Variants in GARRE1 observed in about 807,000 individuals in gnomAD.
GARRE1 encodes the protein granule associated Rac and RHOG effector 1, also known as granule associated Rac and RHOG effector protein 1.
Under a neutral mutation model 103.2 loss-of-function variants are expected in GARRE1, and 49 were observed. The observed-to-expected ratio is 0.47, with a 90% CI of 0.38 to 0.60. The LOEUF (loss-of-function observed/expected upper bound fraction) is 0.60, where lower values mean the gene tolerates loss of function less well. Ranked by LOEUF, GARRE1 falls within the 20% of genes least tolerant of loss-of-function variation. GARRE1 has a pLI of 0.00. For synonymous variants in GARRE1, 505 were observed against 532.8 expected (o/e 0.95, Z 0.72); for missense variants, 1,199 against 1,370.5 (o/e 0.87, Z 1.98).
intron 2 of GARRE1, among the ~76,000 whole-genome samples, chr19:34,315,213 A>C (rs1256294331): frequency 6.6e-6 from 1 of 152,228 alleles, no homozygotes; most frequent in Admixed American, 6.5e-5. Context: ...ACTTAGTGAT[A>C]AATTATTTGT....
Position 34,330,284 on chromosome 19 carries a change from C to T in GARRE1, c.1200C>T (p.Cys400=). ...FPVTEVLNQV[C]PSTWRGACKT... is the part of the protein sequence containing the mutation. The stretch of plus-strand genomic sequence containing the variant: ...TGACTGAAGTGCTGAACCAGGTTTG[C>T]CCTTCCACATGGCGAGGTGCCTGCA... Residue 400 remains cysteine, a synonymous_variant, in exon 7 of 14, where the codon TGC becomes TGT. Coordinates refer to ENST00000299505, the MANE Select transcript of GARRE1 (RefSeq NM_014686.5). 1 of 1,614,158 alleles carries T rather than the reference C, an allele frequency of 6.2e-7. No individual in the cohort carries two copies. The highest frequency in any genetic ancestry group is 8.5e-7 in the Non-Finnish European group (1 of 1,180,028).
intron 1 of GARRE1, among the ~76,000 whole-genome samples, chr19:34,263,578 A>G (rs2073733226): frequency 6.6e-6 from 1 of 151,338 alleles, no homozygotes; most frequent in Admixed American, 6.6e-5. Context: ...CCTGGGTTCA[A>G]GCGATTCTCC....
intron 1 of GARRE1, among the ~76,000 whole-genome samples, chr19:34,295,471 C>T (rs551756775): frequency 2.9e-4 from 44 of 151,864 alleles, no homozygotes; most frequent in African/African-American, 1.0e-3. Context: ...TACTCTTTCC[C>T]TCCCCTTTTT....
chr19:34,342,770 G>A lies in GARRE1; in HGVS notation c.2521+315G>A, dbSNP rs910039929. On this transcript the variant is annotated intron_variant, in intron 10 of 13. Transcript: ENST00000299505. ...CTCCAGTCTAGGCCTGCCTACTCCCGGCAGCCAAGGTCAGCAGCCCTTTGT... is the reference window on the plus strand; with the variant it reads ...CTCCAGTCTAGGCCTGCCTACTCCCAGCAGCCAAGGTCAGCAGCCCTTTGT... 8.6e-5 allele frequency among the ~76,000 whole-genome samples: 13 copies of A among 152,020 alleles called. No individual in the cohort carries two copies. The South Asian group carries it at 1.0e-3, about 12-fold the overall frequency.
intron 8 of GARRE1, among the ~76,000 whole-genome samples, chr19:34,337,755 T>C (rs999554721): frequency 2.6e-5 from 4 of 152,226 alleles, no homozygotes; most frequent in Admixed American, 6.5e-5. Flanking sequence ...AAATGCCAGT[T>C]TGTTGATTGT....
rs1332542639 is a variant in GARRE1 at position 34,296,227 on chromosome 19, G to A, written c.-795-3452G>A. The stretch of plus-strand genomic sequence containing the variant: ...CCCCGCCCCATGCAGACGGCAGCCC[G>A]AGGGGGTCGCAGCAGTCCTTCTGTT... On this transcript the variant is annotated intron_variant, in intron 1 of 13. Coordinates refer to ENST00000299505, the MANE Select transcript of GARRE1 (RefSeq NM_014686.5). 11 of 575,964 alleles carry A rather than the reference G, an allele frequency of 1.9e-5. 1 individual carries two copies. The highest frequency in any genetic ancestry group is 5.3e-5 in the East Asian group (2 of 37,516). 35.7% of individuals were successfully genotyped at this position (575,964 alleles called of 1,614,324 possible).
intron 8 of GARRE1, among the ~76,000 whole-genome samples, chr19:34,334,509 C>T (rs781415863): frequency 6.6e-6 from 1 of 150,578 alleles, no homozygotes; most frequent in Non-Finnish European, 1.5e-5. Context: ...GACCAGCCTG[C>T]CCAATGTGGT....
intron 1 of GARRE1, among the ~76,000 whole-genome samples, chr19:34,277,605 G>A (rs895298701): frequency 3.9e-5 from 6 of 152,050 alleles, no homozygotes; most frequent in African/African-American, 9.7e-5. Flanking sequence ...ACAATGATAG[G>A]CATATAATTA....
chr19:34,257,196 G>A (rs2073678980), intron 1 of GARRE1, among the ~76,000 whole-genome samples: 1 of 150,730 alleles, frequency 6.6e-6, no homozygotes. Context: ...ACATGATTCT[G>A]TGAAAATTTT....
At chr19:34,259,815 G>A (rs915158296) in intron 1 of GARRE1, among the ~76,000 whole-genome samples, 1 of 152,186 alleles carries the variant, frequency 6.6e-6, no homozygotes, top group African/African-American at 2.4e-5. Flanking sequence ...AGGACCTAAT[G>A]GGAGGTAATT....
chr19:34,285,800 C>A (rs926884202), intron 1 of GARRE1, among the ~76,000 whole-genome samples: 2 of 151,870 alleles, frequency 1.3e-5, no homozygotes. Flanking sequence ...CCAGCCAGTT[C>A]CATGACATTT....
chr19:34,299,215 GAAGAATA>G (rs1250285408), intron 1 of GARRE1, among the ~76,000 whole-genome samples: 1 of 152,170 alleles, frequency 6.6e-6, no homozygotes, highest in Non-Finnish European at 1.5e-5. Flanking sequence ...GCCTACCTCA[GAAGAATA>G]TTTTTTTCGT....
At chr19:34,266,423 G>A (rs1207497217) in intron 1 of GARRE1, among the ~76,000 whole-genome samples, 3 of 152,152 alleles carry the variant, frequency 2.0e-5, no homozygotes, top group Admixed American at 6.5e-5. Context: ...GTGCAGTGGC[G>A]CAATCTCGGC....
At chr19:34,310,144 A>G (rs1321264608) in intron 2 of GARRE1, among the ~76,000 whole-genome samples, 1 of 152,254 alleles carries the variant, frequency 6.6e-6, no homozygotes, top group Non-Finnish European at 1.5e-5. Flanking sequence ...TGGGCAGATT[A>G]GAAGGAAACA....
In GARRE1 at chr19:34,354,984, G is replaced by A. The variant is rs1452250968; in HGVS notation, c.*2029G>A. The A allele has an allele frequency of 6.6e-6, 1 of 152,640 alleles. No individual in the cohort carries two copies. Among genetic ancestry groups the A allele is most frequent in the East Asian group, 1.9e-4 (1 of 5,202 alleles). 9.5% of individuals were successfully genotyped at this position (152,640 alleles called of 1,614,324 possible). ...TGCGTGGCTCTTGTCTGTGTTAGCT[G>A]TCACGGTGTGCACACTAATCTCTGT... On this transcript the variant is annotated 3_prime_UTR_variant, in exon 14 of 14. Transcript: ENST00000299505.
chr19:34,330,368 G>T, intron 7 of GARRE1, 21 bp downstream of exon 7: 1 of 1,612,884 alleles, frequency 6.2e-7, no homozygotes, highest in Non-Finnish European at 8.5e-7. Flanking sequence ...GTGGGTGGTG[G>T]ATGATAGGTA....
At chr19:34,272,463 T>C (rs1399804920) in intron 1 of GARRE1, among the ~76,000 whole-genome samples, 1 of 152,114 alleles carries the variant, frequency 6.6e-6, no homozygotes, top group Non-Finnish European at 1.5e-5. Flanking sequence ...CCTCCCAAAG[T>C]GCTGGGATTA....
At position 34,328,038 on chromosome 19, in the gene GARRE1, C is replaced by T; in HGVS notation, c.991C>T (p.Pro331Ser). The change falls in exon 6 of 14, where the codon CCC (proline) becomes TCC (serine). Residue 331 changes from proline (P) to serine (S), a missense_variant. Physicochemically the swap from Pro to Ser is moderately conservative, Grantham distance 74. Coordinates refer to ENST00000299505, the MANE Select transcript of GARRE1 (RefSeq NM_014686.5). ...CCAGCAGACGGGGCGGAGGCAGACA[C>T]CCCCGCAGCCCATGCAGTGTGAGCT... ...EAQQTGRRQT[P>S]PQPMQCELPT... 2 of 1,614,128 alleles carry T rather than the reference C, an allele frequency of 1.2e-6. No homozygotes were observed. Among genetic ancestry groups the T allele is most frequent in the Non-Finnish European group, 1.7e-6 (2 of 1,180,038 alleles).
intron 12 of GARRE1, 117 bp downstream of exon 12, chr19:34,349,270 G>T: frequency 2.9e-6 from 3 of 1,035,924 alleles, no homozygotes; most frequent in Non-Finnish European, 4.3e-6. Context: ...TGTGAGAGGA[G>T]GGGCTCTTCC....
Sources: gnomAD v4.1 joint callset for allele counts (sites outside exome capture counted in the v4.1 genomes callset) on GRCh38, gnomAD v4.1.1 for gene constraint, MANE v1.5 for transcripts, NCBI Gene and HGNC (gene_info 2026-07-23, HGNC 2026-07-21) for gene names.